Variants in EDEM2 observed in about 807,000 individuals in gnomAD.
EDEM2 encodes ER degradation-enhancing alpha-mannosidase-like protein 2.
Under a neutral mutation model 64.8 loss-of-function variants are expected in EDEM2, and 39 were observed. The observed-to-expected ratio is 0.60, with a 90% CI of 0.47 to 0.79. EDEM2 has a LOEUF of 0.79. Among genes scored for constraint, EDEM2 ranks in the 30% least tolerant of loss-of-function variants. The pLI is 0.00. For missense variants in EDEM2, 609 were observed against 731.3 expected, an observed-to-expected ratio of 0.83 and a Z score of 1.93; for synonymous variants, 296 against 291.5, an observed-to-expected ratio of 1.02 and a Z score of -0.16.
chr20:35,126,280 A>G lies in EDEM2; in HGVS notation c.940T>C (p.Ser314Pro). The G allele has an allele frequency of 6.2e-7, 1 of 1,614,024 alleles. No individual in the cohort carries two copies. Among genetic ancestry groups the G allele is most frequent in the Non-Finnish European group, 8.5e-7 (1 of 1,180,044 alleles). The change falls in exon 8 of 11, where the codon TCC (serine) becomes CCC (proline). Residue 314 changes from serine to proline, a missense_variant. Physicochemically the swap from Ser to Pro is moderately conservative, Grantham distance 74. Transcript: ENST00000374492. ...KGTVSMPVFQ[S>P]LEAYWPGLQS... ...AGACCAGGCCAGTAGGCCTCCAAGGACTGGAAGACTGGCATGGACACAGTC... is the reference window on the plus strand; with the variant it reads ...AGACCAGGCCAGTAGGCCTCCAAGGGCTGGAAGACTGGCATGGACACAGTC...
intron 7 of EDEM2, among the ~76,000 whole-genome samples, chr20:35,130,511 T>G (rs1257637257): frequency 6.6e-6 from 1 of 152,194 alleles, no homozygotes; most frequent in Non-Finnish European, 1.5e-5. Context: ...AAAGAAATTA[T>G]GTAAATTTAG....
chr20:35,130,253 A>C (rs1215789501), intron 7 of EDEM2, among the ~76,000 whole-genome samples: 2 of 151,918 alleles, frequency 1.3e-5, no homozygotes, highest in Non-Finnish European at 2.9e-5. Flanking sequence ...TATTTTTTGT[A>C]GAGACGAGGT....
At chr20:35,118,763 G>C in intron 9 of EDEM2, 44 bp from the exon 10 acceptor site, 1 of 1,608,182 alleles carries the variant, frequency 6.2e-7, no homozygotes, top group South Asian at 1.1e-5. Flanking sequence ...TGGCTGCACA[G>C]AGATGGCCTG....
At chr20:35,121,105 G>C (rs1303127347) in intron 9 of EDEM2, among the ~76,000 whole-genome samples, 1 of 152,232 alleles carries the variant, frequency 6.6e-6, no homozygotes, top group Admixed American at 6.5e-5. Flanking sequence ...GCTTGTAGGA[G>C]ATGGTTTTGG....
In EDEM2 at chr20:35,147,207, G is replaced by A; in HGVS notation, c.52C>T (p.Gln18Ter). 1 of 1,602,590 alleles carries A rather than the reference G, an allele frequency of 6.2e-7. No homozygotes were observed. Among genetic ancestry groups the A allele is most frequent in the Non-Finnish European group, 8.5e-7 (1 of 1,172,948 alleles). ...PLGLLCALLP[Q>*]HHGAPGPDGS... ...TCGGGACCTGGCGCACCATGGTGCT[G>A]AGGCAGCAGCGCGCACAGGAGGCCG... is the stretch of plus-strand genomic sequence containing the variant. Residue 18 changes from glutamine (Q) to a stop codon, truncating the protein, a stop_gained, in exon 1 of 11, where the codon CAG (glutamine) becomes TAG (stop). Transcript: ENST00000374492. LOFTEE classifies it high-confidence loss of function.
At chr20:35,133,154 AAGGGGCAGGGAACTGGAATGTTT>A (rs2085529358) in intron 6 of EDEM2, among the ~76,000 whole-genome samples, 1 of 152,048 alleles carries the variant, frequency 6.6e-6, no homozygotes, top group Admixed American at 6.6e-5. Context: ...GATCCCACCC[AAGGGGCAGGGAACTGGAATGTTT>A]ATCCACCAAC....
intron 5 of EDEM2, 79 bp downstream of exon 5, chr20:35,137,801 G>A (rs2085597893): frequency 6.5e-7 from 1 of 1,547,364 alleles, no homozygotes. Context: ...AATTAATTCA[G>A]CACTGCCACT....
At chr20:35,136,399 G>A (rs187009298) in intron 5 of EDEM2, among the ~76,000 whole-genome samples, 66 of 152,280 alleles carry the variant, frequency 4.3e-4, no homozygotes, top group South Asian at 2.9e-3. Context: ...CCATGAGTGA[G>A]ACCTGAACCT....
In EDEM2 at chr20:35,145,001, A is replaced by G. The variant is rs769745128; in HGVS notation, c.236T>C (p.Ile79Thr). 13 of 1,614,112 alleles carry G rather than the reference A, an allele frequency of 8.1e-6. No homozygotes were observed. Among genetic ancestry groups the G allele is most frequent in the Non-Finnish European group, 9.3e-6 (11 of 1,179,982 alleles). Residue 79 changes from isoleucine (I) to threonine (T), a missense_variant, in exon 3 of 11, where the codon ATT becomes ACT. By Grantham distance (89) the Ile-to-Thr change is moderately conservative. Coordinates refer to ENST00000374492, the MANE Select transcript of EDEM2 (RefSeq NM_018217.3). ...DTWGSFSLTL[I>T]DALDTLLILG... ...TACCAGCAAGGTGTCCAGTGCATCA[A>G]TTAGAGTCAGAGAAAAACTGCAAAA...
At chr20:35,141,532 T>C (rs1183510656) in intron 4 of EDEM2, among the ~76,000 whole-genome samples, 1 of 152,234 alleles carries the variant, frequency 6.6e-6, no homozygotes, top group Non-Finnish European at 1.5e-5. Flanking sequence ...CTCTTCTCTT[T>C]TTTAATCTTT....
In EDEM2 at chr20:35,115,594, C is replaced by T. The variant is rs1235551139; in HGVS notation, c.1576G>A (p.Glu526Lys). Residue 526 changes from glutamate (E) to lysine (K), a missense_variant, in exon 11 of 11, where the codon GAA (glutamate) becomes AAA (lysine). Physicochemically the swap from Glu to Lys is moderately conservative, Grantham distance 56 (BLOSUM62 1). Coordinates refer to ENST00000374492, the MANE Select transcript of EDEM2 (RefSeq NM_018217.3). ...AGTGTTCCTGGCCTTGCTGGAGGTT[C>T]CCATGGCCCCGAACTAACAGTGTTT... ...QKNTVSSGPW[E>K]PPARPGTLFS... 2.5e-6 allele frequency: 4 copies of T among 1,612,974 alleles called. No individual in the cohort carries two copies. Among genetic ancestry groups the T allele is most frequent in the East Asian group, 2.2e-5 (1 of 44,864 alleles).
At chr20:35,127,588 A>G (rs1355254107) in intron 7 of EDEM2, among the ~76,000 whole-genome samples, 1 of 152,248 alleles carries the variant, frequency 6.6e-6, no homozygotes, top group Non-Finnish European at 1.5e-5. Flanking sequence ...CAAATAAATA[A>G]GATAATCTCA....
At chr20:35,121,604 G>A (rs1003462720) in intron 9 of EDEM2, among the ~76,000 whole-genome samples, 1 of 152,190 alleles carries the variant, frequency 6.6e-6, no homozygotes, top group African/African-American at 2.4e-5. Context: ...GGACTTAGAG[G>A]AAGGTAAAAG....
chr20:35,116,008 A>G, intron 10 of EDEM2, 75 bp from the exon 11 acceptor site: 1 of 1,513,768 alleles, frequency 6.6e-7, no homozygotes, highest in Non-Finnish European at 9.0e-7. Flanking sequence ...TCCCTTAAGA[A>G]GGCCTGTTCT....
chr20:35,115,910 C>CTTG lies in EDEM2; in HGVS notation c.1257_1259dup (p.His419_Lys420insAsn), dbSNP rs757281362. The CTTG allele has an allele frequency of 1.5e-4, 246 of 1,613,842 alleles. No individual in the cohort carries two copies. Among genetic ancestry groups the CTTG allele is most frequent in the Non-Finnish European group, 2.0e-4 (238 of 1,179,896 alleles). ...AGAACGACTCCATGCGGTTGTCCAG[C>CTTG]TTGTGGTCTCGCAGATCTTTGATCT... is the stretch of plus-strand genomic sequence containing the variant. On this transcript the variant is annotated inframe_insertion, in exon 11 of 11. Transcript: ENST00000374492.
At chr20:35,129,422 T>C (rs1216912798) in intron 7 of EDEM2, among the ~76,000 whole-genome samples, 2 of 143,852 alleles carry the variant, frequency 1.4e-5, no homozygotes, top group Non-Finnish European at 3.1e-5. Context: ...AAAAAAAAAA[T>C]CAGCCAGGCA....
Position 35,144,253 on chromosome 20 carries a change from AC to A in EDEM2, c.258+725del, listed in dbSNP as rs1481351498. On this transcript the variant is annotated intron_variant, in intron 3 of 10. Coordinates refer to ENST00000374492, the MANE Select transcript of EDEM2 (RefSeq NM_018217.3). ...ACGATAAGAAGGAGTAAAGGTACTA[AC>A]CTCAAGAAGTTGTTAGAAGAATTAA... 3.9e-5 allele frequency among the ~76,000 whole-genome samples: 6 copies of A among 152,190 alleles called. No homozygotes were observed. In the East Asian group the frequency reaches 9.7e-4, roughly 25 times the overall value.
chr20:35,126,521 G>A, intron 7 of EDEM2, 146 bp from the exon 8 acceptor site: 8 of 1,013,510 alleles, frequency 7.9e-6, no homozygotes, highest in Non-Finnish European at 1.0e-5. Flanking sequence ...ATGGATTCTG[G>A]AGTCAAACTT....
chr20:35,139,651 G>GAAAAAAAAAAAAA (rs924462871), intron 4 of EDEM2, among the ~76,000 whole-genome samples: 1 of 75,068 alleles, frequency 1.3e-5, no homozygotes. Flanking sequence ...CTCCATCTCA[G>GAAAAAAAAAAAAA]AAAAAAAAAA....
Sources: gnomAD v4.1 joint callset for allele counts (sites outside exome capture counted in the v4.1 genomes callset) on GRCh38, gnomAD v4.1.1 for gene constraint, MANE v1.5 for transcripts, NCBI Gene and HGNC (gene_info 2026-07-23, HGNC 2026-07-21) for gene names.